Variants in LRFN5 observed in about 807,000 individuals in gnomAD.
LRFN5 encodes the protein leucine-rich repeat and fibronectin type-III domain-containing protein 5.
LRFN5 carries 24 observed loss-of-function variants against 45.6 expected under a neutral mutation model. The ratio of observed to expected loss-of-function variants is 0.53; its 90% CI spans 0.38 to 0.74. The LOEUF (loss-of-function observed/expected upper bound fraction) is 0.74. Ranked by LOEUF, LRFN5 falls within the 30% of genes least tolerant of loss-of-function variation. The pLI is 0.00. For synonymous variants in LRFN5, 340 were observed against 313.8 expected (o/e 1.08, Z -0.88); for missense variants, 776 against 861.5 (o/e 0.90, Z 1.24).
intron 2 of LRFN5, among the ~76,000 whole-genome samples, chr14:41,836,418 C>G (rs1888664213): frequency 6.6e-6 from 1 of 151,968 alleles, no homozygotes; most frequent in Non-Finnish European, 1.5e-5. Context: ...TATAAGTAGA[C>G]ATGTGTATGT....
intron 1 of LRFN5, among the ~76,000 whole-genome samples, chr14:41,674,846 C>T (rs542610642): frequency 1.1e-3 from 172 of 150,242 alleles, no homozygotes; most frequent in Non-Finnish European, 1.4e-3. Flanking sequence ...ACTTCTCAGA[C>T]GGGGCGGTTG....
chr14:41,755,376 C>G (rs1189381428), intron 1 of LRFN5, among the ~76,000 whole-genome samples: 2 of 152,112 alleles, frequency 1.3e-5, no homozygotes, highest in Non-Finnish European at 2.9e-5. Flanking sequence ...GTTAAAGTCT[C>G]CCATTATTAT....
intron 1 of LRFN5, chr14:41,742,572 G>A (rs939577970): frequency 4.6e-5 from 7 of 152,284 alleles, no homozygotes; most frequent in African/African-American, 9.6e-5. Flanking sequence ...AGGAAGATAC[G>A]TTGGAGCGAC....
At chr14:41,889,114 C>A (rs950274941) in intron 3 of LRFN5, among the ~76,000 whole-genome samples, 2 of 146,996 alleles carry the variant, frequency 1.4e-5, no homozygotes, top group East Asian at 2.0e-4. Context: ...ATATATGTCT[C>A]TATATATATA....
At chr14:41,707,900 T>G (rs1044932455) in intron 1 of LRFN5, among the ~76,000 whole-genome samples, 1 of 152,028 alleles carries the variant, frequency 6.6e-6, no homozygotes, top group Admixed American at 6.6e-5. Context: ...CCTAAATGAC[T>G]AGTTAATGAG....
In LRFN5 at chr14:41,887,517, G is replaced by A. The variant is rs750123912; in HGVS notation, c.892G>A (p.Val298Ile). 1.9e-6 allele frequency: 3 copies of A among 1,614,192 alleles called. No individual in the cohort carries two copies. The South Asian group carries it at 3.3e-5, about 18-fold the overall frequency. The part of the protein sequence containing the change: ...LITRHTHEMR[V>I]LEGQRATLRC... ...TACTCGTCATACACATGAGATGAGA[G>A]TCCTGGAGGGACAAAGGGCAACACT... Residue 298 changes from valine to isoleucine, a missense_variant, in exon 3 of 6, where the codon GTC becomes ATC. This residue lies in a region of LRFN5 where 311 missense variants were observed against 405.1 expected (regional missense o/e 0.77). Coordinates refer to ENST00000298119, the MANE Select transcript of LRFN5 (RefSeq NM_152447.5). This position sits in a 1 kb window ranked among gnomAD's most constrained non-coding sequence, Gnocchi z 4.8.
intron 5 of LRFN5, among the ~76,000 whole-genome samples, chr14:41,902,890 T>A (rs1448566979): frequency 1.3e-5 from 2 of 151,638 alleles, no homozygotes; most frequent in East Asian, 3.9e-4. Flanking sequence ...AGCTCTGCAA[T>A]GAACCAAATA....
chr14:41,724,366 A>G (rs17181622), intron 1 of LRFN5, among the ~76,000 whole-genome samples: 22,700 of 152,226 alleles, frequency 0.15, 2,119 homozygotes, highest in Non-Finnish European at 0.22. Flanking sequence ...AACCATTTAC[A>G]TTTAGAGCAT....
rs1247683262 is a variant in LRFN5 at position 41,650,266 on chromosome 14, C to CACAAAAAAAA, written c.-197+41705_-197+41706insCAAAAAAAAA. Among the ~76,000 whole-genome samples, 7 of 135,530 alleles carry CACAAAAAAAA rather than the reference C, an allele frequency of 5.2e-5. No homozygotes were observed. The East Asian group carries it at 7.5e-4, about 15-fold the overall frequency. 88.9% of individuals were successfully genotyped at this position (135,530 alleles called of 152,430 possible). Reference sequence around the variant, plus strand: ...ACACACACACACACACACACACACACAAAAAAAAAAAAGATACTTGCAACA... The same window carrying CACAAAAAAAA: ...ACACACACACACACACACACACACACACAAAAAAAAAAAAAAAAAAAAGATACTTGCAACA... On this transcript the variant is annotated intron_variant, in intron 1 of 5. Transcript: ENST00000298119.
chr14:41,704,065 A>G (rs942824349), intron 1 of LRFN5, among the ~76,000 whole-genome samples: 4 of 152,204 alleles, frequency 2.6e-5, no homozygotes, highest in African/African-American at 4.8e-5. Flanking sequence ...TCATATCTCC[A>G]CAAAAAGAAG....
chr14:41,644,979 C>T (rs1222149877), intron 1 of LRFN5, among the ~76,000 whole-genome samples: 2 of 152,110 alleles, frequency 1.3e-5, no homozygotes, highest in Non-Finnish European at 2.9e-5. Flanking sequence ...TTAGAACAAC[C>T]ACAGTAAGGT....
intron 1 of LRFN5, among the ~76,000 whole-genome samples, chr14:41,696,350 G>A (rs1285097649): frequency 2.0e-5 from 3 of 151,922 alleles, no homozygotes; most frequent in African/African-American, 7.2e-5. Context: ...TTAAACAGTG[G>A]CAAGGTTTGA....
At chr14:41,811,005 A>G (rs1436865443) in intron 2 of LRFN5, among the ~76,000 whole-genome samples, 1 of 152,070 alleles carries the variant, frequency 6.6e-6, no homozygotes, top group Non-Finnish European at 1.5e-5. Flanking sequence ...ATACAGAATT[A>G]TTTCACAAGG....
chr14:41,859,066 A>G (rs1311852588), intron 2 of LRFN5, among the ~76,000 whole-genome samples: 1 of 152,156 alleles, frequency 6.6e-6, no homozygotes. Flanking sequence ...TGAGGGAGAA[A>G]TCCTGACTTG....
chr14:41,801,322 A>G (rs372619954), intron 2 of LRFN5, among the ~76,000 whole-genome samples: 65 of 152,256 alleles, frequency 4.3e-4, no homozygotes, highest in African/African-American at 1.4e-3. Flanking sequence ...TATCCAACTA[A>G]TGATAGGGAT....
At chr14:41,784,393 CT>C (rs896495301) in intron 2 of LRFN5, among the ~76,000 whole-genome samples, 35 of 150,878 alleles carry the variant, frequency 2.3e-4, no homozygotes, top group African/African-American at 7.8e-4. Flanking sequence ...ATTTTTATTT[CT>C]TTTTTTTTAA....
rs931335714 is a variant in LRFN5, at chr14:41,653,148, G to A, written c.-197+44586G>A. Among the ~76,000 whole-genome samples, 7 of 152,190 alleles carry A rather than the reference G, an allele frequency of 4.6e-5. No homozygotes were observed. The East Asian group carries it at 7.7e-4, about 17-fold the overall frequency. ...CTCTGTTTATTGTTTATTTTGCTAC[G>A]AAGAAGCTCTTTAGTTTAGTTAGAT... On this transcript the variant is annotated intron_variant, in intron 1 of 5. Transcript: ENST00000298119.
intron 1 of LRFN5, among the ~76,000 whole-genome samples, chr14:41,635,104 A>G (rs990139373): frequency 1.3e-5 from 2 of 152,126 alleles, no homozygotes; most frequent in Admixed American, 1.3e-4. Flanking sequence ...AAAGAACAGC[A>G]TGTTGATATT....
In LRFN5 at chr14:41,662,188, A is replaced by G. The variant is rs74458461; in HGVS notation, c.-197+53626A>G. ...TCAAGGAGGGATCATTAAGAGTATCAAATATTGTAGAAAGGTCAAATATGA... is the reference window on the plus strand; with the variant it reads ...TCAAGGAGGGATCATTAAGAGTATCGAATATTGTAGAAAGGTCAAATATGA... On this transcript the variant is annotated intron_variant, in intron 1 of 5. Coordinates refer to ENST00000298119, the MANE Select transcript of LRFN5 (RefSeq NM_152447.5). Among the ~76,000 whole-genome samples the G allele has an allele frequency of 3.0e-3, 459 of 152,178 alleles. 5 individuals carry two copies. The highest frequency in any genetic ancestry group is 5.0e-3 in the Non-Finnish European group (337 of 67,980).
Sources: allele counts gnomAD v4.1 joint callset (sites outside exome capture counted in the v4.1 genomes callset), GRCh38; gene constraint gnomAD v4.1.1; regional missense constraint gnomAD v4.1.1; non-coding constraint Gnocchi (gnomAD v3.1); transcripts MANE v1.5; gene names NCBI Gene and HGNC (gene_info 2026-07-23, HGNC 2026-07-21).